KDM2A: variants seen among roughly 807,000 people sequenced by gnomAD.
KDM2A encodes lysine-specific demethylase 2A.
KDM2A carries 3 observed loss-of-function variants against 137.3 expected under a neutral mutation model. The ratio of observed to expected loss-of-function variants is 0.02; its 90% CI spans 0.01 to 0.06. KDM2A has a LOEUF of 0.06. Ranked by LOEUF, KDM2A falls within the 10% of genes least tolerant of loss-of-function variation. The pLI, the probability that KDM2A is intolerant of heterozygous loss-of-function variation, is 1.00. For missense variants in KDM2A, 738 were observed against 1,510.6 expected, an observed-to-expected ratio of 0.49 and a Z score of 8.48; for synonymous variants, 512 against 541.5, an observed-to-expected ratio of 0.95 and a Z score of 0.76.
At chr11:67,191,083 C>A (rs1025774171) in intron 5 of KDM2A, among the ~76,000 whole-genome samples, 1 of 152,106 alleles carries the variant, frequency 6.6e-6, no homozygotes, top group East Asian at 1.9e-4. Context: ...TCGTTGCTGT[C>A]GCCAGGCTGG....
chr11:67,228,004 T>G lies in KDM2A; in HGVS notation c.958-33T>G, dbSNP rs1858599212. On this transcript the variant is annotated intron_variant, in intron 10 of 20. Coordinates refer to ENST00000529006, the MANE Select transcript of KDM2A (RefSeq NM_012308.3). ...TTGTTGTACTCTCTTTCCTTGAAAATCGTCATCTTTTCTCTATTTTATTCC... is the reference window on the plus strand; with the variant it reads ...TTGTTGTACTCTCTTTCCTTGAAAAGCGTCATCTTTTCTCTATTTTATTCC... 3 of 1,594,328 alleles carry G rather than the reference T, an allele frequency of 1.9e-6. No individual in the cohort carries two copies. The East Asian group carries it at 6.7e-5, about 36-fold the overall frequency.
intron 2 of KDM2A, among the ~76,000 whole-genome samples, chr11:67,178,196 A>G (rs1383595613): frequency 6.6e-6 from 1 of 152,152 alleles, no homozygotes; most frequent in Non-Finnish European, 1.5e-5. Flanking sequence ...GCTTGAGCAC[A>G]GGAGTTCGAG....
intron 2 of KDM2A, among the ~76,000 whole-genome samples, chr11:67,150,365 G>A (rs2136305871): frequency 6.6e-6 from 1 of 152,234 alleles, no homozygotes; most frequent in Admixed American, 6.5e-5. Context: ...CACCTTGTTG[G>A]GCCAAAGGAG....
rs375517446 is a variant in KDM2A, at chr11:67,248,304, C to T, written c.1989C>T (p.Asn663=). The change falls in exon 16 of 21, where the codon AAC becomes AAT. Residue 663 remains asparagine (N), a synonymous_variant. Coordinates refer to ENST00000529006, the MANE Select transcript of KDM2A (RefSeq NM_012308.3). ...AGATGGACGGAGAGGGGTTGCTTAA[C>T]GAAGAATTGCCAAATTGCTGGGAAT... is the stretch of plus-strand genomic sequence containing the variant. ...CLQMDGEGLL[N]EELPNCWECP... 39 of 1,608,280 alleles carry T rather than the reference C, an allele frequency of 2.4e-5. No homozygotes were observed. The highest frequency in any genetic ancestry group is 1.5e-4 in the South Asian group (13 of 89,492).
intron 10 of KDM2A, among the ~76,000 whole-genome samples, chr11:67,222,649 G>A (rs112953125): frequency 0.017 from 1,769 of 103,622 alleles, no homozygotes; most frequent in Middle Eastern, 0.085. Context: ...AGTAGGGGCG[G>A]CCGGGCAGAG....
At chr11:67,145,858 T>C (rs1856231881) in intron 2 of KDM2A, among the ~76,000 whole-genome samples, 1 of 151,724 alleles carries the variant, frequency 6.6e-6, no homozygotes, top group Non-Finnish European at 1.5e-5. Flanking sequence ...AGGTTTCAGC[T>C]TAAGTGTTAC....
intron 5 of KDM2A, among the ~76,000 whole-genome samples, chr11:67,190,541 C>T (rs1857326898): frequency 6.6e-6 from 1 of 152,098 alleles, no homozygotes; most frequent in African/African-American, 2.4e-5. Flanking sequence ...GGGTGCATTG[C>T]CTGAGCTCAG....
chr11:67,165,646 A>G (rs968883307), intron 2 of KDM2A, among the ~76,000 whole-genome samples: 2 of 152,156 alleles, frequency 1.3e-5, no homozygotes, highest in Admixed American at 1.3e-4. Flanking sequence ...AAATAGGTGC[A>G]TTTATAGACT....
intron 12 of KDM2A, chr11:67,240,049 T>A: frequency 7.6e-7 from 1 of 1,309,658 alleles, no homozygotes; most frequent in Non-Finnish European, 9.7e-7. Context: ...CATCTTCCGT[T>A]GCAAAGCATT....
chr11:67,202,357 T>TC (rs377568864), intron 5 of KDM2A, among the ~76,000 whole-genome samples: 7 of 152,184 alleles, frequency 4.6e-5, no homozygotes, highest in African/African-American at 1.7e-4. Context: ...GAGGATTGAC[T>TC]CCAATTTTGA....
At position 67,188,167 on chromosome 11, in the gene KDM2A, G is replaced by T. The variant is rs534004787; in HGVS notation, c.307+6275G>T. On this transcript the variant is annotated intron_variant, in intron 5 of 20. Transcript: ENST00000529006. The stretch of plus-strand genomic sequence containing the variant: ...CCACTGTAGTCCAGCCTGGGTGACA[G>T]AGCCAAGACCCTGTGTCTTGAAAGA... 3.3e-5 allele frequency among the ~76,000 whole-genome samples: 5 copies of T among 152,096 alleles called. No individual in the cohort carries two copies. In the South Asian group the frequency reaches 1.0e-3, roughly 32 times the overall value.
intron 5 of KDM2A, among the ~76,000 whole-genome samples, chr11:67,201,503 G>C (rs1005229705): frequency 4.2e-4 from 64 of 151,908 alleles, no homozygotes; most frequent in African/African-American, 1.5e-3. Context: ...CGGTGCGGTG[G>C]CTCACGCCTG....
chr11:67,155,135 C>T (rs1380655449), intron 2 of KDM2A, among the ~76,000 whole-genome samples: 2 of 152,140 alleles, frequency 1.3e-5, no homozygotes, highest in Non-Finnish European at 2.9e-5. Flanking sequence ...ATGCCTCAGC[C>T]TCCTGAGTAG....
intron 2 of KDM2A, among the ~76,000 whole-genome samples, chr11:67,150,955 C>G (rs2136306391): frequency 6.6e-6 from 1 of 152,184 alleles, no homozygotes; most frequent in African/African-American, 2.4e-5. Context: ...ACAATACTCC[C>G]ATACACAGTG....
intron 5 of KDM2A, among the ~76,000 whole-genome samples, chr11:67,206,737 T>TA (rs904101789): frequency 2.0e-5 from 3 of 152,206 alleles, no homozygotes; most frequent in African/African-American, 7.2e-5. Flanking sequence ...ACTCCGTCTC[T>TA]AAAAAATAAA....
intron 10 of KDM2A, 142 bp downstream of exon 10, chr11:67,219,545 A>G: frequency 2.3e-6 from 1 of 434,064 alleles, no homozygotes; most frequent in East Asian, 3.8e-5. Context: ...GGAACACACA[A>G]AATTTTAAAT....
chr11:67,123,872 T>A (rs1365971453), intron 2 of KDM2A, among the ~76,000 whole-genome samples: 2 of 152,074 alleles, frequency 1.3e-5, no homozygotes, highest in Non-Finnish European at 2.9e-5. Context: ...AGACTGAGTT[T>A]CACCTTGTTG....
Position 67,256,142 on chromosome 11 carries a change from C to T in KDM2A, c.*1087C>T, listed in dbSNP as rs1293188330. On this transcript the variant is annotated 3_prime_UTR_variant, in exon 21 of 21. Coordinates refer to ENST00000529006, the MANE Select transcript of KDM2A (RefSeq NM_012308.3). ...TAGAAGCCAGTCACCAGCCCTCTGC[C>T]TGCAGCCATGGAAGGGGGTGTGCAC... is the stretch of plus-strand genomic sequence containing the variant. The T allele has an allele frequency of 1.3e-5, 2 of 154,908 alleles. No individual in the cohort carries two copies. Among genetic ancestry groups the T allele is most frequent in the Non-Finnish European group, 2.9e-5 (2 of 70,024 alleles). The allele number at this position is 154,908 out of a possible 1,614,324, so 9.6% of individuals were successfully genotyped here. A position where few individuals can be genotyped will look rare whatever the true frequency, so the allele number is the denominator to read the frequency against.
At chr11:67,232,682 CTT>C (rs558208078) in intron 12 of KDM2A, among the ~76,000 whole-genome samples, 3 of 131,760 alleles carry the variant, frequency 2.3e-5, no homozygotes, top group Admixed American at 1.5e-4. Flanking sequence ...CAGACTTGAG[CTT>C]TTTTTTTTTT....
Sources: gnomAD v4.1 joint callset for allele counts (sites outside exome capture counted in the v4.1 genomes callset) on GRCh38, gnomAD v4.1.1 for gene constraint, MANE v1.5 for transcripts, NCBI Gene and HGNC (gene_info 2026-07-23, HGNC 2026-07-21) for gene names.